The following GDE1 variants were observed in gnomAD, a reference collection of about 807,000 sequenced individuals.
The protein encoded by GDE1 is glycerophosphodiester phosphodiesterase 1.
GDE1 carries 24 observed loss-of-function variants against 32.2 expected under a neutral mutation model. The ratio of observed to expected loss-of-function variants is 0.75; its 90% confidence interval spans 0.54 to 1.05. The LOEUF (loss-of-function observed/expected upper bound fraction) is 1.05, where lower values mean the gene tolerates loss of function less well. Among genes scored for constraint, GDE1 ranks in the 50% least tolerant of loss-of-function variants. The probability of loss-of-function intolerance (pLI) is 0.00; values close to 1 mark genes in which losing one functional copy is unlikely to be tolerated. For synonymous variants in GDE1, 159 were observed against 158.6 expected (o/e 1.00, Z -0.02); for missense variants, 380 against 415.0 (o/e 0.92, Z 0.73).
At chr16:19,518,412 A>C (rs1969408399) in intron 1 of GDE1, among the ~76,000 whole-genome samples, 1 of 152,198 alleles carries the variant, frequency 6.6e-6, no homozygotes, top group African/African-American at 2.4e-5. Flanking sequence ...TGATCCTCAC[A>C]ACCCTGAAGC....
In GDE1 at chr16:19,503,398, C is replaced by T. The variant is rs1157531849; in HGVS notation, c.*72G>A. On this transcript the variant is annotated 3_prime_UTR_variant, in exon 6 of 6. Coordinates refer to ENST00000353258, the MANE Select transcript of GDE1 (RefSeq NM_016641.4). ...TGATTCCCCAGGGCCTGGGCTAGCA[C>T]AAAGGGTATTTTGATATCCCTGTAT... 2.9e-6 allele frequency: 4 copies of T among 1,357,176 alleles called. No homozygotes were observed. The highest frequency in any genetic ancestry group is 3.9e-5 in the Admixed American group (2 of 51,678). 84.1% of individuals were successfully genotyped at this position (1,357,176 alleles called of 1,614,324 possible). A position where few individuals can be genotyped will look rare whatever the true frequency, so the allele number is the denominator to read the frequency against.
chr16:19,510,864 A>G lies in GDE1; in HGVS notation c.518T>C (p.Phe173Ser). ...CTTGTGTGCATGGCCTTTGACATCA[A>G]AGAAGATTGTGAGGTTATGGTTTAG... ...ECLNHNLTIF[F>S]DVKGHAHKAT... Residue 173 changes from phenylalanine to serine, a missense_variant, in exon 3 of 6, where the codon TTT becomes TCT. By Grantham distance (155) the Phe-to-Ser change is radical. Coordinates refer to ENST00000353258, the MANE Select transcript of GDE1 (RefSeq NM_016641.4). 6.3e-7 allele frequency: 1 copy of G among 1,592,022 alleles called. No individual in the cohort carries two copies. The highest frequency in any genetic ancestry group is 8.6e-7 in the Non-Finnish European group (1 of 1,165,454).
In GDE1 at chr16:19,504,727, C is replaced by T. The variant is rs1597230766; in HGVS notation, c.848+154G>A. 8.0e-5 allele frequency: 48 copies of T among 601,818 alleles called. No individual in the cohort carries two copies. In the East Asian group the frequency reaches 1.3e-3, roughly 17 times the overall value. The allele number at this position is 601,818 out of a possible 1,614,324, so 37.3% of individuals were successfully genotyped here. ...AACAGTGAAATATGCCTGAACTCTT[C>T]CCACCTAAGAAGCGAAATTGGTAAT... is the stretch of plus-strand genomic sequence containing the variant. On this transcript the variant is annotated intron_variant, in intron 5 of 5. Coordinates refer to ENST00000353258, the MANE Select transcript of GDE1 (RefSeq NM_016641.4).
chr16:19,512,907 C>T (rs2151447623), intron 2 of GDE1, among the ~76,000 whole-genome samples: 1 of 136,736 alleles, frequency 7.3e-6, no homozygotes, highest in South Asian at 2.4e-4. Context: ...TATTGTATTC[C>T]ACTGGTCTAT....
intron 1 of GDE1, among the ~76,000 whole-genome samples, chr16:19,517,453 G>A (rs1969395467): frequency 6.6e-6 from 1 of 152,166 alleles, no homozygotes; most frequent in Admixed American, 6.5e-5. Context: ...GAGACTTCAG[G>A]AACTTATGTT....
At chr16:19,517,293 T>A in intron 1 of GDE1, 104 bp from the exon 2 acceptor site, 1 of 846,956 alleles carries the variant, frequency 1.2e-6, no homozygotes, top group Non-Finnish European at 1.9e-6. Context: ...CTGTCCTTTT[T>A]GATTCATTTT....
In GDE1 at chr16:19,503,590, T is replaced by C; in HGVS notation, c.876A>G (p.Lys292=). The part of the protein sequence containing the change: ...SPAYLKKWSA[K]GIQVVGWTVN... ...CAGTCCAACCAACAACCTGGATTCC[T>C]TTAGCTGACCACTTCTTCAAGTAGG... The change falls in exon 6 of 6, where the codon AAA becomes AAG. Residue 292 remains lysine (K), a synonymous_variant. Transcript: ENST00000353258. The C allele has an allele frequency of 4.3e-6, 7 of 1,613,832 alleles. No homozygotes were observed. Among genetic ancestry groups the C allele is most frequent in the Non-Finnish European group, 5.9e-6 (7 of 1,179,714 alleles).
At chr16:19,513,906 C>T (rs1452507194) in intron 2 of GDE1, among the ~76,000 whole-genome samples, 1 of 152,188 alleles carries the variant, frequency 6.6e-6, no homozygotes, top group Non-Finnish European at 1.5e-5. Context: ...GTTAAGACAA[C>T]TGGACCACAT....
chr16:19,508,920 C>G (rs1969282727), intron 3 of GDE1, among the ~76,000 whole-genome samples: 1 of 152,216 alleles, frequency 6.6e-6, no homozygotes, highest in Non-Finnish European at 1.5e-5. Flanking sequence ...ATGTTCTACC[C>G]AGTCTTGGCT....
intron 5 of GDE1, chr16:19,503,913 C>T: frequency 3.3e-6 from 1 of 298,674 alleles, no homozygotes; most frequent in Non-Finnish European, 6.2e-6. Flanking sequence ...TCCTTGGCTT[C>T]ATCTCACACC....
intron 2 of GDE1, among the ~76,000 whole-genome samples, chr16:19,515,962 G>GT (rs1462505614): frequency 6.6e-6 from 1 of 152,122 alleles, no homozygotes; most frequent in African/African-American, 2.4e-5. Context: ...TTCCAAGGGT[G>GT]TTTACCGCTG....
intron 5 of GDE1, 111 bp from the exon 6 acceptor site, chr16:19,503,728 C>A (rs1480110713): frequency 2.2e-5 from 19 of 881,540 alleles, no homozygotes; most frequent in Non-Finnish European, 3.2e-5. Flanking sequence ...CCAGAGAATG[C>A]CTCCTAACTG....
At chr16:19,520,634 A>T (rs1969438990) in intron 1 of GDE1, among the ~76,000 whole-genome samples, 1 of 151,470 alleles carries the variant, frequency 6.6e-6, no homozygotes, top group Non-Finnish European at 1.5e-5. Flanking sequence ...CTGAGGCACG[A>T]GAATCGCTTG....
At chr16:19,509,533 G>A (rs1969289849) in intron 3 of GDE1, among the ~76,000 whole-genome samples, 1 of 151,976 alleles carries the variant, frequency 6.6e-6, no homozygotes, top group South Asian at 2.1e-4. Flanking sequence ...CAGACCAATT[G>A]GAAAACCTAG....
chr16:19,503,366 A>T lies in GDE1; in HGVS notation c.*104T>A. On this transcript the variant is annotated 3_prime_UTR_variant, in exon 6 of 6. Coordinates refer to ENST00000353258, the MANE Select transcript of GDE1 (RefSeq NM_016641.4). Reference sequence around the variant, plus strand: ...AGTGACCAACTATTGCATTTGTGTGAGTCACCTGATTCCCCAGGGCCTGGG... The same window carrying T: ...AGTGACCAACTATTGCATTTGTGTGTGTCACCTGATTCCCCAGGGCCTGGG... The T allele has an allele frequency of 1.0e-6, 1 of 987,914 alleles. No homozygotes were observed. Among genetic ancestry groups the T allele is most frequent in the South Asian group, 1.6e-5 (1 of 63,282 alleles). 61.2% of individuals were successfully genotyped at this position (987,914 alleles called of 1,614,324 possible). A position where few individuals can be genotyped will look rare whatever the true frequency, so the allele number is the denominator to read the frequency against.
intron 2 of GDE1, among the ~76,000 whole-genome samples, chr16:19,511,709 T>C (rs1167470492): frequency 1.3e-5 from 2 of 152,022 alleles, no homozygotes; most frequent in East Asian, 3.9e-4. Flanking sequence ...ATTCTCCTCT[T>C]CCCCCAACCC....
At chr16:19,505,260 G>T (rs1043973063) in intron 4 of GDE1, 168 bp from the exon 5 acceptor site, 15 of 592,952 alleles carry the variant, frequency 2.5e-5, no homozygotes, top group Non-Finnish European at 3.9e-5. Context: ...AAAATAATGT[G>T]AAGAATGTAA....
chr16:19,520,207 G>A (rs1057487982), intron 1 of GDE1, among the ~76,000 whole-genome samples: 39 of 151,946 alleles, frequency 2.6e-4, no homozygotes, highest in African/African-American at 8.7e-4. Flanking sequence ...TACACCCACA[G>A]TACATTCTCC....
chr16:19,507,566 C>T, intron 4 of GDE1, 121 bp downstream of exon 4: 1 of 639,690 alleles, frequency 1.6e-6, no homozygotes, highest in Non-Finnish European at 2.9e-6. Context: ...AAAAGAGGAG[C>T]TTCTCAACTG....
Sources: gnomAD v4.1 joint callset for allele counts (sites outside exome capture counted in the v4.1 genomes callset) on GRCh38, gnomAD v4.1.1 for gene constraint, MANE v1.5 for transcripts, NCBI Gene and HGNC (gene_info 2026-07-23, HGNC 2026-07-21) for gene names.